Variants in PTCHD4 observed in about 807,000 individuals in gnomAD.
PTCHD4 encodes the protein patched domain containing 4.
Under a neutral mutation model 58.1 loss-of-function variants are expected in PTCHD4, and 33 were observed. That is an observed-to-expected ratio of 0.57 (90% confidence interval 0.43 to 0.76). The LOEUF is 0.76. PTCHD4 is among the 30% of genes least tolerant of loss of function. The pLI, the probability that PTCHD4 is intolerant of heterozygous loss-of-function variation, is 0.00. For synonymous variants in PTCHD4, 478 were observed against 409.6 expected (o/e 1.17, Z -2.02); for missense variants, 1,058 against 1,027.1 (o/e 1.03, Z -0.41).
At position 47,943,470 on chromosome 6, in the gene PTCHD4, C is replaced by A. The variant is rs113640690; in HGVS notation, c.899-63534G>T. Among the ~76,000 whole-genome samples the A allele has an allele frequency of 8.4e-3, 1,283 of 152,120 alleles. 13 individuals carry two copies. The highest frequency in any genetic ancestry group is 0.032 in the South Asian group (154 of 4,820). Reference sequence around the variant, plus strand: ...TAAATCCAGAGAGGAAAAATTTACACGTGCTGTGGGGAGGCAGTGAAGGGT... The same window carrying A: ...TAAATCCAGAGAGGAAAAATTTACAAGTGCTGTGGGGAGGCAGTGAAGGGT... On this transcript the variant is annotated intron_variant, in intron 4 of 4. Coordinates refer to ENST00000339488, the MANE Select transcript of PTCHD4 (RefSeq NM_001384253.1).
At chr6:48,074,414 C>T (rs1036795884) in intron 1 of PTCHD4, among the ~76,000 whole-genome samples, 5 of 152,214 alleles carry the variant, frequency 3.3e-5, no homozygotes, top group African/African-American at 1.2e-4. Flanking sequence ...AGGCAACACA[C>T]GCAGACAGAC....
chr6:48,006,561 G>A (rs1311671971), intron 4 of PTCHD4, among the ~76,000 whole-genome samples: 2 of 152,100 alleles, frequency 1.3e-5, no homozygotes, highest in African/African-American at 2.4e-5. Context: ...TATTTCAAGC[G>A]ATGAGACTTC....
chr6:47,948,719 A>T (rs1035948663), intron 4 of PTCHD4, among the ~76,000 whole-genome samples: 2 of 152,162 alleles, frequency 1.3e-5, no homozygotes, highest in East Asian at 3.9e-4. Context: ...AGCCTATAAG[A>T]TCTTTTAACA....
chr6:47,919,730 G>A (rs1016687516), intron 4 of PTCHD4, among the ~76,000 whole-genome samples: 2 of 152,068 alleles, frequency 1.3e-5, no homozygotes, highest in Non-Finnish European at 2.9e-5. Flanking sequence ...GGCAGTGTTA[G>A]GCTGTGATTT....
At position 48,070,908 on chromosome 6, in the gene PTCHD4, A is replaced by G. The variant is rs1582110993; in HGVS notation, c.-969-982T>C. Among the ~76,000 whole-genome samples the G allele has an allele frequency of 3.3e-5, 5 of 152,374 alleles. No individual in the cohort carries two copies. The South Asian group carries it at 1.0e-3, about 32-fold the overall frequency. The stretch of plus-strand genomic sequence containing the variant: ...TTCTATACCTTCGTTATTACATTAA[A>G]TATACTTGGCTATATCCTCTACGTT... On this transcript the variant is annotated intron_variant, in intron 1 of 4. Coordinates refer to ENST00000339488, the MANE Select transcript of PTCHD4 (RefSeq NM_001384253.1).
At position 48,104,623 on chromosome 6, in the gene PTCHD4, G is replaced by A. The variant is rs1157597602; in HGVS notation, c.-970+6426C>T. ...ACAATACTAACCTTAAATGTAAATG[G>A]GCTAAATGCTCCAATTAAAAGGCAC... is the stretch of plus-strand genomic sequence containing the variant. On this transcript the variant is annotated intron_variant, in intron 1 of 4. Coordinates refer to ENST00000339488, the MANE Select transcript of PTCHD4 (RefSeq NM_001384253.1). Among the ~76,000 whole-genome samples, 8 of 152,224 alleles carry A rather than the reference G, an allele frequency of 5.3e-5. No individual in the cohort carries two copies. In the East Asian group the frequency reaches 1.5e-3, roughly 29 times the overall value.
chr6:47,990,116 C>T (rs1037910202), intron 4 of PTCHD4, among the ~76,000 whole-genome samples: 1 of 152,112 alleles, frequency 6.6e-6, no homozygotes, highest in African/African-American at 2.4e-5. Context: ...GGATTTCAGA[C>T]CCCTTTGTTT....
intron 4 of PTCHD4, among the ~76,000 whole-genome samples, chr6:47,973,648 C>G (rs1015991387): frequency 6.6e-6 from 1 of 152,204 alleles, no homozygotes; most frequent in Non-Finnish European, 1.5e-5. Flanking sequence ...AGGTTTAGGG[C>G]AGTAGCTGTA....
At position 47,870,066 on chromosome 6, in the gene PTCHD4, C is replaced by T. The variant is rs1256386441; in HGVS notation, c.*8237G>A. Among the ~76,000 whole-genome samples the T allele has an allele frequency of 1.3e-5, 2 of 151,580 alleles. No individual in the cohort carries two copies. The highest frequency in any genetic ancestry group is 4.8e-5 in the African/African-American group (2 of 41,362). On this transcript the variant is annotated 3_prime_UTR_variant, in exon 5 of 5. Transcript: ENST00000339488. ...TAGAATATACACCTGTATAATTTATCACTACTTTAATATATAAATTATTTC... is the reference window on the plus strand; with the variant it reads ...TAGAATATACACCTGTATAATTTATTACTACTTTAATATATAAATTATTTC...
At chr6:47,907,809 A>T (rs1222992539) in intron 4 of PTCHD4, among the ~76,000 whole-genome samples, 1 of 152,168 alleles carries the variant, frequency 6.6e-6, no homozygotes, top group Non-Finnish European at 1.5e-5. Flanking sequence ...GTGGCAAGGT[A>T]GCACACAGCT....
chr6:48,009,018 T>C lies in PTCHD4; in HGVS notation c.514A>G (p.Ile172Val). The change falls in exon 4 of 5, where the codon ATC becomes GTC. Residue 172 changes from isoleucine to valine, a missense_variant. By Grantham distance (29) the Ile-to-Val change is conservative. Transcript: ENST00000339488. ...CCATAGGTCTGGAGGTAGTAGGTGATTTGAATGGCTCTGGCTGACTTGACC... is the reference window on the plus strand; with the variant it reads ...CCATAGGTCTGGAGGTAGTAGGTGACTTGAATGGCTCTGGCTGACTTGACC... ...QRVKSARAIQ[I>V]TYYLQTYGSA... is the part of the protein sequence containing the mutation. The C allele has an allele frequency of 5.0e-6, 8 of 1,613,952 alleles. No homozygotes were observed. Among genetic ancestry groups the C allele is most frequent in the Non-Finnish European group, 5.9e-6 (7 of 1,179,872 alleles).
intron 4 of PTCHD4, among the ~76,000 whole-genome samples, chr6:47,959,410 A>G (rs979217682): frequency 6.6e-6 from 1 of 152,204 alleles, no homozygotes; most frequent in African/African-American, 2.4e-5. Flanking sequence ...TTAAAAAGGA[A>G]CCCTGAATGT....
chr6:47,955,547 C>A (rs1008242460), intron 4 of PTCHD4, among the ~76,000 whole-genome samples: 1 of 152,144 alleles, frequency 6.6e-6, no homozygotes, highest in African/African-American at 2.4e-5. Context: ...AGCAAGTGGT[C>A]CAGTTTTCCT....
At chr6:48,037,264 T>C (rs1451467155) in intron 3 of PTCHD4, among the ~76,000 whole-genome samples, 1 of 152,192 alleles carries the variant, frequency 6.6e-6, no homozygotes, top group African/African-American at 2.4e-5. Context: ...TTATTGTCAA[T>C]ATATTATTGT....
chr6:48,025,664 G>C (rs1763219974), intron 3 of PTCHD4, among the ~76,000 whole-genome samples: 1 of 152,154 alleles, frequency 6.6e-6, no homozygotes, highest in South Asian at 2.1e-4. Flanking sequence ...AAAGATCAGG[G>C]CTATTTGAAG....
chr6:47,984,370 T>C (rs1341896940), intron 4 of PTCHD4, among the ~76,000 whole-genome samples: 2 of 152,044 alleles, frequency 1.3e-5, no homozygotes, highest in Admixed American at 6.6e-5. Context: ...AGAGCAAGCA[T>C]GTGCATGGAA....
At position 47,866,110 on chromosome 6, in the gene PTCHD4, ATC is replaced by A. The variant is rs372027985; in HGVS notation, c.*12191_*12192del. Among the ~76,000 whole-genome samples the A allele has an allele frequency of 1.7e-3, 263 of 152,004 alleles. 1 individual carries two copies. The highest frequency in any genetic ancestry group is 5.8e-3 in the African/African-American group (241 of 41,530). Reference sequence around the variant, plus strand: ...GAAATCATCTCTCTACCCTCTGGATATCTCCTTTTGGACTCTGTACAAGTTCT... The same window carrying A: ...GAAATCATCTCTCTACCCTCTGGATATCCTTTTGGACTCTGTACAAGTTCT... On this transcript the variant is annotated 3_prime_UTR_variant, in exon 5 of 5. Coordinates refer to ENST00000339488, the MANE Select transcript of PTCHD4 (RefSeq NM_001384253.1).
chr6:48,060,828 A>G (rs1195537300), intron 3 of PTCHD4, among the ~76,000 whole-genome samples: 1 of 152,170 alleles, frequency 6.6e-6, no homozygotes. Context: ...AGGTCTCTCC[A>G]TGTTGGGAGG....
chr6:47,916,652 CACACACACACACAA>C (rs1426323434), intron 4 of PTCHD4, among the ~76,000 whole-genome samples: 1 of 151,196 alleles, frequency 6.6e-6, no homozygotes, highest in African/African-American at 2.4e-5. Context: ...CACACACATA[CACACACACACACAA>C]ACACACACAC....
Sources: gnomAD v4.1 joint callset for allele counts (sites outside exome capture counted in the v4.1 genomes callset) on GRCh38, gnomAD v4.1.1 for gene constraint, MANE v1.5 for transcripts, NCBI Gene and HGNC (gene_info 2026-07-23, HGNC 2026-07-21) for gene names.